Variants in SGMS1 observed in about 807,000 individuals in gnomAD.
SGMS1 encodes the protein sphingomyelin synthase 1, also known as phosphatidylcholine:ceramide cholinephosphotransferase 1.
In SGMS1, 13 loss-of-function variants were observed where a neutral mutation model predicts 46.2. The observed-to-expected ratio is 0.28, with a 90% CI of 0.18 to 0.45. The LOEUF (loss-of-function observed/expected upper bound fraction) is 0.45, where lower values mean the gene tolerates loss of function less well. SGMS1 is among the 20% of genes least tolerant of loss of function. The probability of loss-of-function intolerance (pLI) is 1.00; values close to 1 mark genes in which losing one functional copy is unlikely to be tolerated. For missense variants in SGMS1, 324 were observed against 519.9 expected, an observed-to-expected ratio of 0.62 and a Z score of 3.66; for synonymous variants, 203 against 187.8, an observed-to-expected ratio of 1.08 and a Z score of -0.66.
intron 2 of SGMS1, among the ~76,000 whole-genome samples, chr10:50,557,882 A>C (rs1838201640): frequency 1.3e-5 from 2 of 152,228 alleles, no homozygotes; most frequent in South Asian, 4.1e-4. Flanking sequence ...CCAACTGTAG[A>C]TGGACTGACA....
intron 8 of SGMS1, among the ~76,000 whole-genome samples, chr10:50,314,604 A>G (rs987011457): frequency 2.6e-5 from 4 of 152,176 alleles, no homozygotes; most frequent in African/African-American, 9.7e-5. Context: ...TATGAAGAAA[A>G]GTTCTATGTG....
chr10:50,371,211 A>G (rs1361984905), intron 6 of SGMS1, among the ~76,000 whole-genome samples: 1 of 152,176 alleles, frequency 6.6e-6, no homozygotes. Flanking sequence ...TCTGTGTTAT[A>G]ATCATTTGGG....
chr10:50,510,485 A>T (rs1837743767), intron 3 of SGMS1, among the ~76,000 whole-genome samples: 1 of 151,924 alleles, frequency 6.6e-6, no homozygotes, highest in Non-Finnish European at 1.5e-5. Flanking sequence ...ATCTTCTCAG[A>T]CTCTCACCAG....
intron 2 of SGMS1, among the ~76,000 whole-genome samples, chr10:50,575,105 T>C (rs1281298135): frequency 1.3e-5 from 2 of 151,550 alleles, no homozygotes; most frequent in Non-Finnish European, 2.9e-5. Flanking sequence ...TACTACATGA[T>C]TACCAGGGAA....
chr10:50,420,858 G>T (rs1482077132), intron 6 of SGMS1, among the ~76,000 whole-genome samples: 2 of 152,184 alleles, frequency 1.3e-5, no homozygotes, highest in Admixed American at 1.3e-4. Flanking sequence ...GCACAGACAG[G>T]AAAGAGAGAT....
chr10:50,352,443 G>C (rs1041012666), intron 6 of SGMS1, among the ~76,000 whole-genome samples: 5 of 152,102 alleles, frequency 3.3e-5, no homozygotes, highest in Non-Finnish European at 5.9e-5. Flanking sequence ...ATAACATAGA[G>C]CCCAAATTAC....
intron 6 of SGMS1, among the ~76,000 whole-genome samples, chr10:50,392,346 A>C (rs1848785061): frequency 6.6e-6 from 1 of 152,198 alleles, no homozygotes; most frequent in South Asian, 2.1e-4. Context: ...GAGAGTCTTA[A>C]TCAAAGCCAT....
At chr10:50,346,907 T>C (rs1356701420) in intron 6 of SGMS1, among the ~76,000 whole-genome samples, 2 of 152,136 alleles carry the variant, frequency 1.3e-5, no homozygotes, top group Non-Finnish European at 2.9e-5. Context: ...GGGGTCTCAC[T>C]ATGTTGCTCG....
intron 2 of SGMS1, among the ~76,000 whole-genome samples, chr10:50,572,736 A>G (rs1389914221): frequency 6.6e-6 from 1 of 152,204 alleles, no homozygotes; most frequent in East Asian, 1.9e-4. Context: ...CCAAATACAC[A>G]TAAATTGTGA....
At chr10:50,596,280 G>A (rs187562772) in intron 1 of SGMS1, among the ~76,000 whole-genome samples, 74 of 151,602 alleles carry the variant, frequency 4.9e-4, no homozygotes, top group African/African-American at 1.7e-3. Context: ...TGGTTCAAGC[G>A]ATTCCCCTGC....
At chr10:50,355,103 A>C (rs1232376025) in intron 6 of SGMS1, among the ~76,000 whole-genome samples, 1 of 152,258 alleles carries the variant, frequency 6.6e-6, no homozygotes, top group Non-Finnish European at 1.5e-5. Flanking sequence ...GTATATACCC[A>C]AAGGATTATA....
At position 50,487,963 on chromosome 10, in the gene SGMS1, C is replaced by T. The variant is rs190085939; in HGVS notation, c.-497-21031G>A. ...CTTAAACATGTTTTTGAGGATATTT[C>T]CTGATTTTTATTTTGTTTTTATTTT... On this transcript the variant is annotated intron_variant, in intron 3 of 10. Coordinates refer to ENST00000361781, the MANE Select transcript of SGMS1 (RefSeq NM_147156.4). Among the ~76,000 whole-genome samples the T allele has an allele frequency of 4.4e-3, 671 of 150,810 alleles. 6 individuals are homozygous for T. The highest frequency in any genetic ancestry group is 0.015 in the African/African-American group (637 of 41,304).
chr10:50,599,066 C>T (rs1346906200), intron 1 of SGMS1, among the ~76,000 whole-genome samples: 1 of 152,072 alleles, frequency 6.6e-6, no homozygotes, highest in Non-Finnish European at 1.5e-5. Flanking sequence ...TAATGGAAGC[C>T]AAGAGAAGAG....
chr10:50,579,772 A>G (rs1838416137), intron 2 of SGMS1, among the ~76,000 whole-genome samples: 1 of 152,224 alleles, frequency 6.6e-6, no homozygotes, highest in African/African-American at 2.4e-5. Context: ...GTAAACCAAG[A>G]AAGAAGAGAA....
intron 2 of SGMS1, among the ~76,000 whole-genome samples, chr10:50,561,834 T>C (rs781760352): frequency 6.6e-6 from 1 of 152,184 alleles, no homozygotes; most frequent in Non-Finnish European, 1.5e-5. Flanking sequence ...GCTCACCAGC[T>C]GATCTCTACT....
intron 2 of SGMS1, among the ~76,000 whole-genome samples, chr10:50,538,144 T>C (rs570141011): frequency 6.6e-4 from 77 of 116,824 alleles, no homozygotes; most frequent in African/African-American, 2.4e-3. Context: ...AGGTGCTGGA[T>C]AAGATGCAGA....
chr10:50,520,701 T>G (rs1359212196), intron 2 of SGMS1, among the ~76,000 whole-genome samples: 6 of 152,170 alleles, frequency 3.9e-5, no homozygotes, highest in Non-Finnish European at 8.8e-5. Context: ...GCATAGATAC[T>G]CATAGATACG....
intron 7 of SGMS1, among the ~76,000 whole-genome samples, chr10:50,339,607 G>A (rs1276590627): frequency 6.6e-6 from 1 of 152,166 alleles, no homozygotes; most frequent in Non-Finnish European, 1.5e-5. Context: ...CCTTTACTCA[G>A]TGGAGCATCC....
chr10:50,375,220 G>A (rs1420443415), intron 6 of SGMS1, among the ~76,000 whole-genome samples: 1 of 152,162 alleles, frequency 6.6e-6, no homozygotes, highest in Non-Finnish European at 1.5e-5. Context: ...CAACATAAGA[G>A]GTGGGAAGGC....
Sources: allele counts gnomAD v4.1 joint callset (sites outside exome capture counted in the v4.1 genomes callset), GRCh38; gene constraint gnomAD v4.1.1; transcripts MANE v1.5; gene names NCBI Gene and HGNC (gene_info 2026-07-23, HGNC 2026-07-21).